Variants in ITGAV observed in about 807,000 individuals in gnomAD.
ITGAV encodes integrin alpha-V.
Under a neutral mutation model 143.8 loss-of-function variants are expected in ITGAV, and 76 were observed. The observed-to-expected ratio is 0.53, with a 90% confidence interval of 0.44 to 0.64. The LOEUF is 0.64. ITGAV is among the 30% of genes least tolerant of loss of function. ITGAV has a pLI of 0.00. For synonymous variants in ITGAV, 453 were observed against 446.7 expected, an observed-to-expected ratio of 1.01 and a Z score of -0.18; for missense variants, 1,193 against 1,274.7, an observed-to-expected ratio of 0.94 and a Z score of 0.98.
rs199802709 is a variant in ITGAV at position 186,667,132 on chromosome 2, T to G, written c.2247-18T>G. On this transcript the variant is annotated intron_variant, in intron 22 of 29. Transcript: ENST00000261023. Reference sequence around the variant, plus strand: ...GTTATGCATAATTCATTTTTAAGTTTTTTTTTTTCTTTTTCAGCTCAAATC... The same window carrying G: ...GTTATGCATAATTCATTTTTAAGTTGTTTTTTTTCTTTTTCAGCTCAAATC... 1.6e-5 allele frequency: 25 copies of G among 1,590,196 alleles called. No individual in the cohort carries two copies. Among genetic ancestry groups the G allele is most frequent in the Non-Finnish European group, 1.7e-5 (20 of 1,168,196 alleles).
intron 13 of ITGAV, among the ~76,000 whole-genome samples, chr2:186,648,287 C>T (rs1304554235): frequency 6.6e-6 from 1 of 152,110 alleles, no homozygotes; most frequent in Non-Finnish European, 1.5e-5. Context: ...TACACATGGT[C>T]AAGTTACCAT....
chr2:186,655,815 A>G (rs1473758239), intron 16 of ITGAV, among the ~76,000 whole-genome samples: 3 of 152,208 alleles, frequency 2.0e-5, no homozygotes, highest in African/African-American at 7.2e-5. Context: ...CTGTTCATTC[A>G]TCATAGTGTT....
At chr2:186,670,129 A>G (rs984235252) in intron 26 of ITGAV, among the ~76,000 whole-genome samples, 3 of 152,224 alleles carry the variant, frequency 2.0e-5, no homozygotes, top group African/African-American at 7.2e-5. Flanking sequence ...TAAAAAATCC[A>G]GAAGGTCCCA....
intron 2 of ITGAV, among the ~76,000 whole-genome samples, chr2:186,604,823 A>T (rs1687012052): frequency 6.6e-6 from 1 of 152,220 alleles, no homozygotes; most frequent in African/African-American, 2.4e-5. Flanking sequence ...GATTTTTAAA[A>T]AATGAATCTC....
In ITGAV at chr2:186,669,391, T is replaced by C. The variant is rs566622805; in HGVS notation, c.2593-310T>C. Among the ~76,000 whole-genome samples, 5 of 152,324 alleles carry C rather than the reference T, an allele frequency of 3.3e-5. No individual in the cohort carries two copies. The South Asian group carries it at 1.0e-3, about 32-fold the overall frequency. On this transcript the variant is annotated intron_variant, in intron 25 of 29. Coordinates refer to ENST00000261023, the MANE Select transcript of ITGAV (RefSeq NM_002210.5). Reference sequence around the variant, plus strand: ...AGGTGAAGAAACAAAATAAAAGATATACCCATGATTGACATCACAAATGTA... The same window carrying C: ...AGGTGAAGAAACAAAATAAAAGATACACCCATGATTGACATCACAAATGTA...
At chr2:186,605,870 G>A (rs1324920945) in intron 2 of ITGAV, among the ~76,000 whole-genome samples, 1 of 149,378 alleles carries the variant, frequency 6.7e-6, no homozygotes, top group Non-Finnish European at 1.5e-5. Flanking sequence ...TTATGTATAT[G>A]TATAATACAT....
chr2:186,594,611 C>T (rs969994141), intron 1 of ITGAV, among the ~76,000 whole-genome samples: 21 of 152,146 alleles, frequency 1.4e-4, no homozygotes, highest in African/African-American at 5.1e-4. Context: ...CATCCTTTTT[C>T]ATCCTGGTAT....
At chr2:186,593,821 CAG>C (rs891817711) in intron 1 of ITGAV, among the ~76,000 whole-genome samples, 24 of 152,078 alleles carry the variant, frequency 1.6e-4, no homozygotes, top group Admixed American at 8.5e-4. Context: ...GATCCGAAGA[CAG>C]GGTGTAAAAT....
intron 19 of ITGAV, 36 bp downstream of exon 19, chr2:186,663,871 T>C: frequency 7.1e-7 from 1 of 1,409,690 alleles, no homozygotes. Flanking sequence ...TAGTAAGAAA[T>C]TTAAATGGAA....
chr2:186,621,435 G>A (rs182572441), intron 2 of ITGAV, among the ~76,000 whole-genome samples: 1 of 152,160 alleles, frequency 6.6e-6, no homozygotes, highest in East Asian at 1.9e-4. Flanking sequence ...CAGTAACAAT[G>A]TAATTATTGC....
Position 186,622,386 on chromosome 2 carries a change from C to T in ITGAV, c.364C>T (p.Gln122Ter). The T allele has an allele frequency of 6.2e-7, 1 of 1,613,790 alleles. No individual in the cohort carries two copies. The highest frequency in any genetic ancestry group is 8.5e-7 in the Non-Finnish European group (1 of 1,179,754). ...KDDPLEFKSH[Q>*]WFGASVRSKQ... ...TGATCCATTGGAATTTAAGTCCCAT[C>T]AGTGGTTTGGAGCATCTGTGAGGTC... is the stretch of plus-strand genomic sequence containing the variant. Residue 122 changes from glutamine (Q) to a stop codon, truncating the protein, a stop_gained, in exon 3 of 30, where the codon CAG (glutamine) becomes TAG (stop). Coordinates refer to ENST00000261023, the MANE Select transcript of ITGAV (RefSeq NM_002210.5). LOFTEE classifies it high-confidence loss of function.
chr2:186,675,821 A>G lies in ITGAV; in HGVS notation c.2822A>G (p.Lys941Arg). 1 of 1,595,714 alleles carries G rather than the reference A, an allele frequency of 6.3e-7. No homozygotes were observed. Among genetic ancestry groups the G allele is most frequent in the East Asian group, 2.2e-5 (1 of 44,746 alleles). Reference protein sequence around the residue: ...SLLWTETFMNKENQNHSYSLK... With the variant: ...SLLWTETFMNRENQNHSYSLK... Reference sequence around the variant, plus strand: ...CATCTAATTGTTATTTCCAAACAGAAAGAAAATCAGAATCATTCCTATTCT... The same window carrying G: ...CATCTAATTGTTATTTCCAAACAGAGAGAAAATCAGAATCATTCCTATTCT... Residue 941 changes from lysine to arginine, a missense_variant and splice_region_variant, in exon 28 of 30, where the codon AAA (lysine) becomes AGA (arginine). Transcript: ENST00000261023.
At chr2:186,667,114 A>G (rs201498873) in intron 22 of ITGAV, 36 bp from the exon 23 acceptor site, 10 of 1,521,718 alleles carry the variant, frequency 6.6e-6, no homozygotes, top group Admixed American at 3.5e-5. Flanking sequence ...GTTGTTATGC[A>G]TAATTCATTT....
intron 26 of ITGAV, among the ~76,000 whole-genome samples, chr2:186,671,251 A>G (rs1014349465): frequency 2.6e-5 from 4 of 152,090 alleles, no homozygotes; most frequent in Non-Finnish European, 4.4e-5. Flanking sequence ...ATCTAACTCA[A>G]TGAGAAAGCA....
Position 186,602,135 on chromosome 2 carries a change from T to C in ITGAV, c.300T>C (p.Ile100=). 6.2e-7 allele frequency: 1 copy of C among 1,607,998 alleles called. No individual in the cohort carries two copies. The highest frequency in any genetic ancestry group is 8.5e-7 in the Non-Finnish European group (1 of 1,177,898). Residue 100 remains isoleucine (I), a synonymous_variant, in exon 2 of 30, where the codon ATT becomes ATC. Transcript: ENST00000261023. ...CTTCTACCCGCCGGTGCCAGCCAAT[T>C]GAATTTGATGCAACAGGTAAATTTT... ...DWSSTRRCQP[I]EFDATGNRDY... is the part of the protein sequence containing the mutation.
Position 186,654,670 on chromosome 2 carries a change from TA to T in ITGAV, c.1529del (p.Lys510ArgfsTer46). ...CACAGTTTTAATGTTAGGTTCTGCT[TA>T]AAGGCAGATGGCAAAGGAGTACTTC... ...KVSCFNVRFC[L>X]KADGKGVLPR... On this transcript the variant is annotated frameshift_variant, in exon 16 of 30. Coordinates refer to ENST00000261023, the MANE Select transcript of ITGAV (RefSeq NM_002210.5). LOFTEE classifies it high-confidence loss of function. The T allele has an allele frequency of 1.3e-6, 2 of 1,554,512 alleles. No individual in the cohort carries two copies. Among genetic ancestry groups the T allele is most frequent in the Non-Finnish European group, 1.8e-6 (2 of 1,132,074 alleles).
intron 12 of ITGAV, among the ~76,000 whole-genome samples, chr2:186,645,376 T>G (rs1559056761): frequency 6.6e-6 from 1 of 151,042 alleles, no homozygotes; most frequent in Non-Finnish European, 1.5e-5. Context: ...GAATAGCAAA[T>G]ACAAGCCCAT....
At chr2:186,659,881 A>G (rs61763061) in intron 18 of ITGAV, among the ~76,000 whole-genome samples, 1 of 151,800 alleles carries the variant, frequency 6.6e-6, no homozygotes, top group African/African-American at 2.4e-5. Context: ...TAACAATTTC[A>G]TATTTCATCC....
intron 14 of ITGAV, among the ~76,000 whole-genome samples, chr2:186,651,604 T>C (rs1306277743): frequency 2.0e-5 from 3 of 152,194 alleles, no homozygotes; most frequent in Non-Finnish European, 4.4e-5. Flanking sequence ...CCACTAAAAC[T>C]ATATGTTGGT....
Sources: gnomAD v4.1 joint callset for allele counts (sites outside exome capture counted in the v4.1 genomes callset) on GRCh38, gnomAD v4.1.1 for gene constraint, MANE v1.5 for transcripts, NCBI Gene and HGNC (gene_info 2026-07-23, HGNC 2026-07-21) for gene names.